Variants in CAPN7 observed in about 807,000 individuals in gnomAD.
The protein encoded by CAPN7 is calpain 7, also known as calpain-7.
In CAPN7, 72 loss-of-function variants were observed where a neutral mutation model predicts 115.2. The observed-to-expected ratio is 0.63, with a 90% confidence interval of 0.52 to 0.76. CAPN7 has a LOEUF of 0.76. CAPN7 is among the 30% of genes least tolerant of loss of function. The pLI is 0.00. For missense variants in CAPN7, 905 were observed against 971.5 expected (o/e 0.93, Z 0.91); for synonymous variants, 344 against 322.3 (o/e 1.07, Z -0.72).
chr3:15,217,793 T>C (rs1344136515), intron 3 of CAPN7, among the ~76,000 whole-genome samples: 1 of 152,260 alleles, frequency 6.6e-6, no homozygotes. Context: ...TATTGAGTCT[T>C]AAATTACAAG....
chr3:15,212,192 T>C lies in CAPN7; in HGVS notation c.191T>C (p.Val64Ala). 1.2e-6 allele frequency: 2 copies of C among 1,601,598 alleles called. No individual in the cohort carries two copies. The highest frequency in any genetic ancestry group is 1.7e-6 in the Non-Finnish European group (2 of 1,171,266). Residue 64 changes from valine to alanine, a missense_variant, in exon 2 of 21, where the codon GTT (valine) becomes GCT (alanine). By Grantham distance (64) the Val-to-Ala change is moderately conservative. Coordinates refer to ENST00000253693, the MANE Select transcript of CAPN7 (RefSeq NM_014296.3). The part of the protein sequence containing the change: ...QEKITEYLER[V>A]QALHSAVQSK... ...AAAATAACTGAGTATCTGGAAAGAG[T>C]TCAAGCTCTACATTCAGCAGGTTAG...
intron 5 of CAPN7, 65 bp downstream of exon 5, chr3:15,221,046 C>A (rs570517458): frequency 3.9e-6 from 5 of 1,290,762 alleles, no homozygotes; most frequent in Admixed American, 1.9e-5. Flanking sequence ...ATTTTATTTT[C>A]ATTAGGTTTG....
intron 19 of CAPN7, among the ~76,000 whole-genome samples, chr3:15,250,049 C>T (rs1051724832): frequency 1.3e-5 from 2 of 150,522 alleles, no homozygotes; most frequent in African/African-American, 4.9e-5. Flanking sequence ...AGGCGTGAGC[C>T]ACCGCGCCTG....
chr3:15,249,025 C>CA (rs59492817), intron 19 of CAPN7, among the ~76,000 whole-genome samples: 1 of 130,758 alleles, frequency 7.6e-6, no homozygotes, highest in African/African-American at 3.0e-5. Flanking sequence ...AAAAAAAAAA[C>CA]AAAAACAGAA....
At chr3:15,222,056 G>C (rs1447463303) in intron 5 of CAPN7, among the ~76,000 whole-genome samples, 1 of 146,842 alleles carries the variant, frequency 6.8e-6, no homozygotes, top group Non-Finnish European at 1.5e-5. Flanking sequence ...TTCTTTGAAA[G>C]GTTTTACATG....
chr3:15,218,370 A>G (rs1268695248), intron 3 of CAPN7, 103 bp from the exon 4 acceptor site: 7 of 720,882 alleles, frequency 9.7e-6, no homozygotes, highest in Admixed American at 4.8e-5. Flanking sequence ...TCTCAATTTC[A>G]GCAAGTGTAA....
rs774543538 is a variant in CAPN7, at chr3:15,244,921, T to C, written c.1865-605T>C. ...AAAATGTTGAGTGAAAAATGAAAGA[T>C]ATAAGACATGCACTATTTTTTTTAA... is the stretch of plus-strand genomic sequence containing the variant. On this transcript the variant is annotated intron_variant, in intron 16 of 20. Coordinates refer to ENST00000253693, the MANE Select transcript of CAPN7 (RefSeq NM_014296.3). 3.3e-5 allele frequency among the ~76,000 whole-genome samples: 5 copies of C among 152,138 alleles called. No individual in the cohort carries two copies. In the East Asian group the frequency reaches 7.7e-4, roughly 23 times the overall value.
At chr3:15,214,111 A>ACCTCGTGATCCACCCG (rs1318660321) in intron 2 of CAPN7, among the ~76,000 whole-genome samples, 1 of 152,046 alleles carries the variant, frequency 6.6e-6, no homozygotes, top group East Asian at 1.9e-4. Context: ...CGATCTCCTG[A>ACCTCGTGATCCACCCG]CCTCGTGATC....
chr3:15,218,612 G>A, intron 4 of CAPN7, 72 bp downstream of exon 4: 2 of 1,078,154 alleles, frequency 1.9e-6, no homozygotes, highest in Non-Finnish European at 2.8e-6. Flanking sequence ...ATCTAAATGT[G>A]TTGTAAAGGC....
Position 15,221,953 on chromosome 3 carries a change from C to CA in CAPN7, c.638+983dup, listed in dbSNP as rs575558093. 6.2e-3 allele frequency among the ~76,000 whole-genome samples: 838 copies of CA among 136,024 alleles called. 16 individuals are homozygous for CA. Among genetic ancestry groups the CA allele is most frequent in the African/African-American group, 0.02 (755 of 36,878 alleles). The allele number at this position is 136,024 out of a possible 152,430, so 89.2% of individuals were successfully genotyped here. ...TGGGCAACAGAGGGAGATCCCGTCTCAAAAAAAAAAATATGTGTGTATACA... is the reference window on the plus strand; with the variant it reads ...TGGGCAACAGAGGGAGATCCCGTCTCAAAAAAAAAAAATATGTGTGTATACA... On this transcript the variant is annotated intron_variant, in intron 5 of 20. Coordinates refer to ENST00000253693, the MANE Select transcript of CAPN7 (RefSeq NM_014296.3).
At chr3:15,245,981 A>G in intron 17 of CAPN7, 1 of 186,060 alleles carries the variant, frequency 5.4e-6, no homozygotes, top group Non-Finnish European at 1.1e-5. Flanking sequence ...TCTGTCACCC[A>G]GGCTGGAGTG....
intron 5 of CAPN7, 119 bp from the exon 6 acceptor site, chr3:15,223,356 G>A (rs1013188133): frequency 6.6e-5 from 44 of 665,436 alleles, no homozygotes; most frequent in Non-Finnish European, 1.6e-5. Context: ...AACAACATGA[G>A]GTTGTCAGTT....
chr3:15,234,133 A>G lies in CAPN7; in HGVS notation c.1286+160A>G, dbSNP rs146641722. 3.5e-4 allele frequency among the ~76,000 whole-genome samples: 53 copies of G among 152,326 alleles called. No individual in the cohort carries two copies. The South Asian group carries it at 0.011, about 30-fold the overall frequency. Reference sequence around the variant, plus strand: ...GAGTTGGAGGACCAGCCTGACCAACATGGAGAAACCCCATCTCTACTAAAA... The same window carrying G: ...GAGTTGGAGGACCAGCCTGACCAACGTGGAGAAACCCCATCTCTACTAAAA... On this transcript the variant is annotated intron_variant, in intron 11 of 20. Transcript: ENST00000253693.
At chr3:15,228,843 G>A (rs1039698542) in intron 7 of CAPN7, 131 bp from the exon 8 acceptor site, 12 of 648,082 alleles carry the variant, frequency 1.9e-5, no homozygotes, top group African/African-American at 1.5e-4. Context: ...ATGTACCCCC[G>A]AACCTAAAAT....
At chr3:15,207,716 A>G (rs780388646) in intron 1 of CAPN7, among the ~76,000 whole-genome samples, 10 of 151,928 alleles carry the variant, frequency 6.6e-5, no homozygotes, top group South Asian at 2.1e-4. Context: ...AGGATCATCA[A>G]TATTACTGTC....
At position 15,249,016 on chromosome 3, in the gene CAPN7, AAAAAAAAAC is replaced by A. The variant is rs1204264633; in HGVS notation, c.2204+1565_2204+1573del. On this transcript the variant is annotated intron_variant, in intron 19 of 20. Transcript: ENST00000253693. ...GTCTCATACAACAACCAAAAAAAAA[AAAAAAAAAC>A]AAAAACAGAATACAAATAAAAACAG... Among the ~76,000 whole-genome samples the A allele has an allele frequency of 1.9e-4, 28 of 150,380 alleles. 1 individual carries two copies. Among genetic ancestry groups the A allele is most frequent in the African/African-American group, 5.9e-4 (24 of 40,840 alleles).
At chr3:15,241,956 C>T (rs537235282) in intron 15 of CAPN7, among the ~76,000 whole-genome samples, 5 of 152,170 alleles carry the variant, frequency 3.3e-5, no homozygotes, top group East Asian at 1.9e-4. Context: ...TAATAGCCTC[C>T]GAATCTTAAT....
chr3:15,238,137 A>G (rs1477269813), intron 12 of CAPN7, among the ~76,000 whole-genome samples: 2 of 80,954 alleles, frequency 2.5e-5, no homozygotes, highest in African/African-American at 4.5e-5. Context: ...TTTTTTTGAG[A>G]CAGTCTCACT....
At chr3:15,219,482 G>T (rs575432152) in intron 4 of CAPN7, among the ~76,000 whole-genome samples, 1 of 151,992 alleles carries the variant, frequency 6.6e-6, no homozygotes, top group Non-Finnish European at 1.5e-5. Flanking sequence ...ACAAAGATAC[G>T]AGTCCTTGAC....
Sources: gnomAD v4.1 joint callset for allele counts (sites outside exome capture counted in the v4.1 genomes callset) on GRCh38, gnomAD v4.1.1 for gene constraint, MANE v1.5 for transcripts, NCBI Gene and HGNC (gene_info 2026-07-23, HGNC 2026-07-21) for gene names.